ZNF266: variants seen among roughly 807,000 people sequenced by gnomAD.
ZNF266 encodes the protein zinc finger protein 1.
In ZNF266, 16 loss-of-function variants were observed where a neutral mutation model predicts 16.4. The ratio of observed to expected loss-of-function variants is 0.98; its 90% confidence interval spans 0.66 to 1.48. ZNF266 has a LOEUF of 1.48. ZNF266 is among the 40% of genes most tolerant of loss of function. The pLI, the probability that ZNF266 is intolerant of heterozygous loss-of-function variation, is 0.00. For missense variants in ZNF266, 738 were observed against 689.1 expected (o/e 1.07, Z -0.79); for synonymous variants, 262 against 237.9 (o/e 1.10, Z -0.93).
At chr19:9,426,074 C>T (rs916607442) in intron 5 of ZNF266, among the ~76,000 whole-genome samples, 4 of 152,144 alleles carry the variant, frequency 2.6e-5, no homozygotes, top group African/African-American at 9.7e-5. Context: ...CGGCACCTCG[C>T]TGGCAAGGTT....
chr19:9,413,752 T>C lies in ZNF266; in HGVS notation c.1374A>G (p.Arg458=), dbSNP rs758369704. Residue 458 remains arginine, a synonymous_variant, in exon 11 of 11, where the codon AGA becomes AGG. Transcript: ENST00000592904. Reference sequence around the variant, plus strand: ...TTGTATGTTCACTAAGGCGAGAGGATCTGGCAAAGGCCTTTCCACATTCCT... The same window carrying C: ...TTGTATGTTCACTAAGGCGAGAGGACCTGGCAAAGGCCTTTCCACATTCCT... ...ECKECGKAFA[R]SSRLSEHTRT... is the part of the protein sequence containing the mutation. 3 of 1,613,870 alleles carry C rather than the reference T, an allele frequency of 1.9e-6. No homozygotes were observed. In the African/African-American group the frequency reaches 4.0e-5, roughly 22 times the overall value.
intron 5 of ZNF266, among the ~76,000 whole-genome samples, chr19:9,422,160 CTTT>C (rs56091445): frequency 6.6e-6 from 1 of 151,592 alleles, no homozygotes; most frequent in East Asian, 1.9e-4. Context: ...ACAACAAAAC[CTTT>C]TTTTTATCAT....
chr19:9,423,390 A>G (rs937140484), intron 5 of ZNF266, among the ~76,000 whole-genome samples: 1 of 152,208 alleles, frequency 6.6e-6, no homozygotes, highest in South Asian at 2.1e-4. Context: ...CACCCACGGA[A>G]TCACAACATG....
At chr19:9,429,764 A>G (rs574446257) in intron 5 of ZNF266, among the ~76,000 whole-genome samples, 13 of 152,286 alleles carry the variant, frequency 8.5e-5, no homozygotes, top group African/African-American at 2.9e-4. Context: ...GCACACCCAC[A>G]TACCCAAGCC....
chr19:9,423,690 C>A (rs2123167517), intron 5 of ZNF266, among the ~76,000 whole-genome samples: 1 of 152,292 alleles, frequency 6.6e-6, no homozygotes, highest in Non-Finnish European at 1.5e-5. Context: ...AGTCAGAATA[C>A]ATGGGTCCAA....
At chr19:9,429,730 C>T (rs540609843) in intron 5 of ZNF266, among the ~76,000 whole-genome samples, 7 of 152,222 alleles carry the variant, frequency 4.6e-5, no homozygotes, top group East Asian at 3.9e-4. Context: ...ATCCTGGTAG[C>T]GTACTTGCAT....
intron 5 of ZNF266, among the ~76,000 whole-genome samples, chr19:9,429,519 C>T (rs778981110): frequency 2.0e-5 from 3 of 152,042 alleles, no homozygotes; most frequent in East Asian, 1.9e-4. Flanking sequence ...ACATCCTAGA[C>T]GACCTTGTCC....
At chr19:9,422,623 T>C (rs569635446) in intron 5 of ZNF266, among the ~76,000 whole-genome samples, 2 of 152,152 alleles carry the variant, frequency 1.3e-5, no homozygotes, top group Admixed American at 6.5e-5. Context: ...ATGAGCACAA[T>C]AGCCAGGGTT....
At chr19:9,414,977 G>A (rs1014168956) in intron 10 of ZNF266, among the ~76,000 whole-genome samples, 8 of 152,176 alleles carry the variant, frequency 5.3e-5, no homozygotes, top group Non-Finnish European at 1.0e-4. Context: ...AGTTACAAAT[G>A]TGTACTTGAG....
chr19:9,415,580 A>G, intron 10 of ZNF266, 74 bp downstream of exon 10: 4 of 1,309,080 alleles, frequency 3.1e-6, no homozygotes, highest in Non-Finnish European at 3.3e-6. Context: ...TCCCAGCTTT[A>G]TTCTGATTTT....
rs1387177860 is a variant in ZNF266 at position 9,435,361 on chromosome 19, G to GGAGGACCCGC, written c.-645_-636dup. On this transcript the variant is annotated 5_prime_UTR_variant, in exon 1 of 11. It removes the in-frame stop codon of an upstream open reading frame in the 5' UTR. Coordinates refer to ENST00000592904, the MANE Select transcript of ZNF266 (RefSeq NM_001370374.1). ...TGGCTTTTTGAACCTGGCGGCGCCA[G>GGAGGACCCGC]GAGGACCCGCGCGGCCCCGGCGGAC... The GGAGGACCCGC allele has an allele frequency of 1.1e-4, 17 of 152,312 alleles. No homozygotes were observed. The highest frequency in any genetic ancestry group is 1.8e-4 in the Non-Finnish European group (12 of 68,124). 9.4% of individuals were successfully genotyped at this position (152,312 alleles called of 1,614,324 possible).
intron 5 of ZNF266, among the ~76,000 whole-genome samples, chr19:9,430,022 G>T (rs1310621191): frequency 2.6e-5 from 1 of 38,040 alleles, no homozygotes; most frequent in Non-Finnish European, 4.9e-5. Flanking sequence ...CCACCCAGTA[G>T]CCTAAGAGAG....
intron 9 of ZNF266, 85 bp from the exon 10 acceptor site, chr19:9,415,827 T>C (rs1304546362): frequency 1.0e-5 from 12 of 1,172,348 alleles, no homozygotes; most frequent in Non-Finnish European, 1.3e-5. Context: ...TTTGTACTTG[T>C]TTTCTTTTTT....
chr19:9,425,134 C>T (rs369551523), intron 5 of ZNF266, among the ~76,000 whole-genome samples: 4 of 152,136 alleles, frequency 2.6e-5, no homozygotes, highest in African/African-American at 9.7e-5. Context: ...AACTTAGTGG[C>T]CAACACCAGA....
At chr19:9,422,521 C>T (rs1193852204) in intron 5 of ZNF266, among the ~76,000 whole-genome samples, 3 of 152,198 alleles carry the variant, frequency 2.0e-5, no homozygotes, top group African/African-American at 7.2e-5. Context: ...GGCCTGTCTG[C>T]ATACCAAAGA....
At chr19:9,424,930 G>A (rs2070508956) in intron 5 of ZNF266, among the ~76,000 whole-genome samples, 1 of 152,158 alleles carries the variant, frequency 6.6e-6, no homozygotes. Flanking sequence ...GTGTAGGAGA[G>A]TGCATATGGA....
Position 9,417,638 on chromosome 19 carries a change from A to T in ZNF266, c.316+190T>A, listed in dbSNP as rs574783336. 6.6e-5 allele frequency among the ~76,000 whole-genome samples: 10 copies of T among 151,952 alleles called. No individual in the cohort carries two copies. The South Asian group carries it at 2.1e-3, about 32-fold the overall frequency. On this transcript the variant is annotated intron_variant, in intron 9 of 10. Transcript: ENST00000592904. ...GCTACTCAGGGGGCTGAGGCAGGAG[A>T]TCAGAAGGCTGAGGCAGGAGAATCG...
At chr19:9,426,814 G>T (rs2070814665) in intron 5 of ZNF266, among the ~76,000 whole-genome samples, 1 of 152,080 alleles carries the variant, frequency 6.6e-6, no homozygotes. Context: ...TCTTAAAAGG[G>T]TAACTAAATA....
intron 5 of ZNF266, among the ~76,000 whole-genome samples, chr19:9,425,340 G>A (rs566612034): frequency 8.5e-4 from 130 of 152,184 alleles, no homozygotes; most frequent in Admixed American, 1.2e-3. Context: ...GGGGATCTGT[G>A]AGTAGGAGGA....
Sources: allele counts gnomAD v4.1 joint callset (sites outside exome capture counted in the v4.1 genomes callset), GRCh38; gene constraint gnomAD v4.1.1; transcripts MANE v1.5; gene names NCBI Gene and HGNC (gene_info 2026-07-23, HGNC 2026-07-21).